TMEFF2: variants seen among roughly 807,000 people sequenced by gnomAD.
TMEFF2 encodes the protein transmembrane protein with EGF like and two follistatin like domains 2.
TMEFF2 carries 28 observed loss-of-function variants against 53.8 expected under a neutral mutation model. The observed-to-expected ratio is 0.52, with a 90% CI of 0.39 to 0.71. TMEFF2 has a LOEUF of 0.71. TMEFF2 is among the 30% of genes least tolerant of loss of function. The pLI, the probability that TMEFF2 is intolerant of heterozygous loss-of-function variation, is 0.00. For synonymous variants in TMEFF2, 162 were observed against 166.3 expected (o/e 0.97, Z 0.20); for missense variants, 353 against 455.2 (o/e 0.78, Z 2.04).
chr2:192,165,787 C>G (rs1378897776), intron 4 of TMEFF2, among the ~76,000 whole-genome samples: 4 of 151,896 alleles, frequency 2.6e-5, no homozygotes, highest in Admixed American at 2.6e-4. Context: ...AAGAATGCTC[C>G]CTCAGCATTA....
At chr2:192,120,484 G>A (rs1263709992) in intron 4 of TMEFF2, among the ~76,000 whole-genome samples, 1 of 152,182 alleles carries the variant, frequency 6.6e-6, no homozygotes, top group Non-Finnish European at 1.5e-5. Context: ...CCCTAAACCT[G>A]TTGAATATGT....
intron 4 of TMEFF2, among the ~76,000 whole-genome samples, chr2:192,124,068 C>A (rs995368369): frequency 1.3e-5 from 2 of 152,218 alleles, no homozygotes; most frequent in Non-Finnish European, 2.9e-5. Context: ...AAGAACTGAT[C>A]AGCTGCTTCT....
chr2:191,967,425 A>G (rs996147115), intron 7 of TMEFF2, among the ~76,000 whole-genome samples: 2 of 152,144 alleles, frequency 1.3e-5, no homozygotes, highest in Non-Finnish European at 2.9e-5. Context: ...ATAGAATTAT[A>G]GTACACTAAA....
chr2:192,042,035 T>C (rs1239824253), intron 5 of TMEFF2, among the ~76,000 whole-genome samples: 2 of 152,094 alleles, frequency 1.3e-5, no homozygotes, highest in Admixed American at 1.3e-4. Context: ...AACCTGTCTC[T>C]ACTAAAAATA....
At chr2:191,987,399 T>TC (rs1387478922) in intron 7 of TMEFF2, among the ~76,000 whole-genome samples, 3 of 98,014 alleles carry the variant, frequency 3.1e-5, no homozygotes, top group Non-Finnish European at 6.2e-5. Context: ...ATCATAATCT[T>TC]ACTTTCTTTT....
chr2:192,150,098 C>T (rs150356723), intron 4 of TMEFF2, among the ~76,000 whole-genome samples: 68 of 151,984 alleles, frequency 4.5e-4, no homozygotes, highest in African/African-American at 1.4e-3. Flanking sequence ...CATTTATATA[C>T]ATCATTTTAA....
chr2:192,114,064 TTGTGTGTGTG>T lies in TMEFF2; in HGVS notation c.440-56299_440-56290del, dbSNP rs34553641. ...AACAATATTGAATAAAATCTGGAAATTGTGTGTGTGTGTGTGTGTGTGTGTGTGTGTGTGT... is the reference window on the plus strand; with the variant it reads ...AACAATATTGAATAAAATCTGGAAATTGTGTGTGTGTGTGTGTGTGTGTGT... On this transcript the variant is annotated intron_variant, in intron 4 of 9. Coordinates refer to ENST00000272771, the MANE Select transcript of TMEFF2 (RefSeq NM_016192.4). 9.4e-3 allele frequency among the ~76,000 whole-genome samples: 1,345 copies of T among 143,146 alleles called. 14 individuals carry two copies. Among genetic ancestry groups the T allele is most frequent in the African/African-American group, 0.02 (780 of 39,022 alleles). The allele number at this position is 143,146 out of a possible 152,430, so 93.9% of individuals were successfully genotyped here. A position where few individuals can be genotyped will look rare whatever the true frequency, so the allele number is the denominator to read the frequency against.
At chr2:191,953,883 ATT>A (rs563154787) in intron 8 of TMEFF2, 46 bp from the exon 9 acceptor site, 31,671 of 598,702 alleles carry the variant, frequency 0.053, 2 homozygotes, top group East Asian at 0.066. Flanking sequence ...TGCTGCATTC[ATT>A]TTTTTTTTTT....
intron 4 of TMEFF2, among the ~76,000 whole-genome samples, chr2:192,118,308 G>C (rs900760038): frequency 6.8e-6 from 1 of 147,210 alleles, no homozygotes; most frequent in Non-Finnish European, 1.5e-5. Context: ...GCCAGTTTTT[G>C]AGAGTTCTGT....
chr2:191,955,168 A>G (rs1574240622), intron 8 of TMEFF2, among the ~76,000 whole-genome samples: 4 of 117,082 alleles, frequency 3.4e-5, no homozygotes, highest in Non-Finnish European at 3.3e-5. Context: ...AGAGTGGGAG[A>G]GAGAGGGAGA....
chr2:192,178,018 G>T (rs1245474516), intron 4 of TMEFF2: 1 of 150,844 alleles, frequency 6.6e-6, no homozygotes, highest in African/African-American at 2.4e-5. Context: ...AGTAAATGAT[G>T]ATGCTTTAAC....
chr2:192,134,014 CA>C (rs1689931591), intron 4 of TMEFF2, among the ~76,000 whole-genome samples: 1 of 152,194 alleles, frequency 6.6e-6, no homozygotes, highest in African/African-American at 2.4e-5. Context: ...CCTTTCTGTC[CA>C]AACAACTTGA....
At position 192,092,891 on chromosome 2, in the gene TMEFF2, C is replaced by T. The variant is rs78601990; in HGVS notation, c.440-35116G>A. 2.5e-4 allele frequency among the ~76,000 whole-genome samples: 38 copies of T among 152,162 alleles called. 1 individual carries two copies. The East Asian group carries it at 7.3e-3, about 29-fold the overall frequency. On this transcript the variant is annotated intron_variant, in intron 4 of 9. Transcript: ENST00000272771. ...GCATCAATAAGGAATGCAGCCCTTC[C>T]CACACGTTAATACTCGCCCTGTAAG...
intron 5 of TMEFF2, among the ~76,000 whole-genome samples, chr2:192,034,223 T>C: frequency 6.7e-6 from 1 of 150,162 alleles, no homozygotes; most frequent in Non-Finnish European, 1.5e-5. Flanking sequence ...ATTTTGAGTA[T>C]CAAGAAAAAA....
At chr2:192,070,870 T>C (rs1161496557) in intron 4 of TMEFF2, among the ~76,000 whole-genome samples, 1 of 151,912 alleles carries the variant, frequency 6.6e-6, no homozygotes, top group African/African-American at 2.4e-5. Context: ...AGTTGTGTAC[T>C]AAATGTCCAG....
chr2:192,134,986 G>T (rs902593002), intron 4 of TMEFF2, among the ~76,000 whole-genome samples: 2 of 152,200 alleles, frequency 1.3e-5, no homozygotes, highest in Admixed American at 6.5e-5. Context: ...CTTCTCAGAA[G>T]TCAGACCTGT....
chr2:192,099,654 T>A (rs1688988739), intron 4 of TMEFF2, among the ~76,000 whole-genome samples: 1 of 152,146 alleles, frequency 6.6e-6, no homozygotes, highest in African/African-American at 2.4e-5. Flanking sequence ...TTGGCTTCAG[T>A]TTTTTGGTAT....
intron 4 of TMEFF2, among the ~76,000 whole-genome samples, chr2:192,107,095 T>C (rs894011269): frequency 6.6e-6 from 1 of 151,768 alleles, no homozygotes; most frequent in Non-Finnish European, 1.5e-5. Context: ...AGAGTTAAAA[T>C]GAGTTCCAAA....
At chr2:192,113,607 G>A (rs1048963763) in intron 4 of TMEFF2, among the ~76,000 whole-genome samples, 1 of 152,038 alleles carries the variant, frequency 6.6e-6, no homozygotes, top group Non-Finnish European at 1.5e-5. Flanking sequence ...TGTTTAGGTT[G>A]TTTTAAATAT....
Sources: gnomAD v4.1 joint callset for allele counts (sites outside exome capture counted in the v4.1 genomes callset) on GRCh38, gnomAD v4.1.1 for gene constraint, MANE v1.5 for transcripts, NCBI Gene and HGNC (gene_info 2026-07-23, HGNC 2026-07-21) for gene names.